The following CERKL variants were observed in gnomAD, a reference collection of about 807,000 sequenced individuals.
The protein encoded by CERKL is ceramide kinase-like protein.
CERKL carries 61 observed loss-of-function variants against 63.4 expected under a neutral mutation model. The ratio of observed to expected loss-of-function variants is 0.96; its 90% CI spans 0.78 to 1.19. The LOEUF (loss-of-function observed/expected upper bound fraction) is 1.19, where lower values mean the gene tolerates loss of function less well. Among genes scored for constraint, CERKL ranks in the 50% most tolerant of loss-of-function variants. The pLI is 0.00. For synonymous variants in CERKL, 250 were observed against 230.5 expected (o/e 1.08, Z -0.77); for missense variants, 675 against 655.5 (o/e 1.03, Z -0.33).
At chr2:181,632,977 A>G (rs749855579) in intron 1 of CERKL, among the ~76,000 whole-genome samples, 17 of 152,142 alleles carry the variant, frequency 1.1e-4, no homozygotes, top group Non-Finnish European at 2.1e-4. Flanking sequence ...GCTGAGGGAA[A>G]TCTCTCTTTC....
At chr2:181,583,499 A>G (rs1684628402) in intron 2 of CERKL, among the ~76,000 whole-genome samples, 2 of 152,198 alleles carry the variant, frequency 1.3e-5, no homozygotes, top group African/African-American at 4.8e-5. Context: ...TAGATTGAAA[A>G]TTCAGTTTAG....
intron 5 of CERKL, among the ~76,000 whole-genome samples, 155 bp from the exon 6 acceptor site, chr2:181,549,863 T>G (rs768309278): frequency 9.9e-5 from 15 of 152,144 alleles, no homozygotes; most frequent in Non-Finnish European, 2.1e-4. Flanking sequence ...ATTAGAAGTT[T>G]AAGTTCTTAT....
intron 1 of CERKL, among the ~76,000 whole-genome samples, 175 bp from the exon 2 acceptor site, chr2:181,604,254 A>G (rs6723072): frequency 0.22 from 33,684 of 152,036 alleles, 6,827 homozygotes; most frequent in African/African-American, 0.54. Flanking sequence ...ACAAACCCCC[A>G]TGACACAAAT....
At chr2:181,563,658 C>T (rs183087419) in intron 4 of CERKL, among the ~76,000 whole-genome samples, 45 of 151,860 alleles carry the variant, frequency 3.0e-4, no homozygotes, top group African/African-American at 1.0e-3. Context: ...TTTCCTTTAG[C>T]CACTCTTTAG....
In CERKL at chr2:181,622,481, C is replaced by T. The variant is rs144588696; in HGVS notation, c.239-18402G>A. Among the ~76,000 whole-genome samples the T allele has an allele frequency of 2.0e-3, 302 of 152,300 alleles. 1 individual carries two copies. Among genetic ancestry groups the T allele is most frequent in the African/African-American group, 6.7e-3 (279 of 41,572 alleles). On this transcript the variant is annotated intron_variant, in intron 1 of 12. Transcript: ENST00000410087. ...CTTGAAGGCTGCACACAAATGACCA[C>T]TATATTTAAAAGAACATTTTCTTAT... is the stretch of plus-strand genomic sequence containing the variant.
At chr2:181,573,694 A>G (rs1689004569) in intron 3 of CERKL, 59 bp downstream of exon 3, 3 of 1,514,390 alleles carry the variant, frequency 2.0e-6, no homozygotes, top group Admixed American at 1.7e-5. Flanking sequence ...ACAAATTCAG[A>G]TTATTTTGCT....
intron 5 of CERKL, among the ~76,000 whole-genome samples, chr2:181,553,386 G>A (rs766141325): frequency 5.9e-5 from 9 of 152,128 alleles, no homozygotes; most frequent in Admixed American, 6.6e-5. Context: ...ATTATCGATG[G>A]ATTACAGTAC....
chr2:181,559,481 G>A (rs1476369495), intron 4 of CERKL, among the ~76,000 whole-genome samples: 1 of 152,108 alleles, frequency 6.6e-6, no homozygotes, highest in African/African-American at 2.4e-5. Context: ...GTGAAAGCAG[G>A]TGTCACAACT....
At chr2:181,584,024 T>C (rs1446885901) in intron 2 of CERKL, among the ~76,000 whole-genome samples, 1 of 152,150 alleles carries the variant, frequency 6.6e-6, no homozygotes, top group Non-Finnish European at 1.5e-5. Context: ...GAGAGAACTA[T>C]CACAATATCA....
rs1472742261 is a variant in CERKL, at chr2:181,633,310, C to T, written c.238+23459G>A. On this transcript the variant is annotated intron_variant, in intron 1 of 12. Coordinates refer to ENST00000410087, the MANE Select transcript of CERKL (RefSeq NM_201548.5). ...AGAGCAGCAAGGATGACTGAATGAG[C>T]ACGGAGATGGAAATGATGACATGCT... Among the ~76,000 whole-genome samples, 7 of 152,148 alleles carry T rather than the reference C, an allele frequency of 4.6e-5. No homozygotes were observed. In the East Asian group the frequency reaches 1.2e-3, roughly 25 times the overall value.
intron 1 of CERKL, among the ~76,000 whole-genome samples, chr2:181,612,257 ATC>A (rs1304551409): frequency 2.0e-5 from 3 of 152,182 alleles, no homozygotes; most frequent in African/African-American, 7.2e-5. Flanking sequence ...TAACCCTGTC[ATC>A]TGTTTTGTTT....
At chr2:181,545,054 C>T (rs1354363783) in intron 10 of CERKL, among the ~76,000 whole-genome samples, 1 of 152,048 alleles carries the variant, frequency 6.6e-6, no homozygotes, top group Non-Finnish European at 1.5e-5. Context: ...TTTTACAAAG[C>T]AAACCATCAA....
At chr2:181,637,089 GA>G (rs1220186271) in intron 1 of CERKL, among the ~76,000 whole-genome samples, 1 of 152,090 alleles carries the variant, frequency 6.6e-6, no homozygotes, top group Non-Finnish European at 1.5e-5. Flanking sequence ...ACTATGCTGA[GA>G]TATCATTTAT....
intron 1 of CERKL, among the ~76,000 whole-genome samples, chr2:181,645,698 T>C (rs1687641086): frequency 6.6e-6 from 1 of 152,254 alleles, no homozygotes; most frequent in African/African-American, 2.4e-5. Context: ...CTATGCCCTT[T>C]TGGGCTTAAA....
Position 181,558,854 on chromosome 2 carries a change from C to A in CERKL, c.678-146G>T, listed in dbSNP as rs1324516312. Reference sequence around the variant, plus strand: ...TACCTTTAAACATGTTAATATGTGTCAATGGGTAAGACAACACAAACACAA... The same window carrying A: ...TACCTTTAAACATGTTAATATGTGTAAATGGGTAAGACAACACAAACACAA... On this transcript the variant is annotated intron_variant, in intron 4 of 12. Transcript: ENST00000410087. The surrounding 1 kb of genome is among the most constrained non-coding windows in gnomAD (Gnocchi z 4.2). 1 of 776,710 alleles carries A rather than the reference C, an allele frequency of 1.3e-6. No individual in the cohort carries two copies. Among genetic ancestry groups the A allele is most frequent in the Admixed American group, 2.0e-5 (1 of 49,162 alleles). The allele number at this position is 776,710 out of a possible 1,614,324, so 48.1% of individuals were successfully genotyped here.
At position 181,609,917 on chromosome 2, in the gene CERKL, A is replaced by G. The variant is rs1164447738; in HGVS notation, c.239-5838T>C. On this transcript the variant is annotated intron_variant, in intron 1 of 12. Coordinates refer to ENST00000410087, the MANE Select transcript of CERKL (RefSeq NM_201548.5). ...TTTAGAACTGACTAATCTTTTGTAAAGAAAAATAGGGCCCTATTTCATAAT... is the reference window on the plus strand; with the variant it reads ...TTTAGAACTGACTAATCTTTTGTAAGGAAAAATAGGGCCCTATTTCATAAT... Among the ~76,000 whole-genome samples the G allele has an allele frequency of 2.0e-5, 3 of 152,176 alleles. No individual in the cohort carries two copies. In the South Asian group the frequency reaches 6.2e-4, roughly 32 times the overall value.
At chr2:181,632,780 T>TAGTG (rs1188183032) in intron 1 of CERKL, among the ~76,000 whole-genome samples, 4 of 152,086 alleles carry the variant, frequency 2.6e-5, no homozygotes, top group Non-Finnish European at 5.9e-5. Context: ...TTGGATAGGG[T>TAGTG]AGTGGGGACA....
chr2:181,656,629 T>C (rs982722321), intron 1 of CERKL, 140 bp downstream of exon 1: 26 of 718,462 alleles, frequency 3.6e-5, no homozygotes, highest in Non-Finnish European at 5.0e-5. Flanking sequence ...CTCGGTAACC[T>C]GTCCGGGCAG....
At chr2:181,587,258 A>C (rs1048218700) in intron 2 of CERKL, among the ~76,000 whole-genome samples, 3 of 152,238 alleles carry the variant, frequency 2.0e-5, no homozygotes, top group Non-Finnish European at 2.9e-5. Flanking sequence ...TGTAACTTCT[A>C]AATTTACATG....
Sources: allele counts gnomAD v4.1 joint callset (sites outside exome capture counted in the v4.1 genomes callset), GRCh38; gene constraint gnomAD v4.1.1; non-coding constraint Gnocchi (gnomAD v3.1); transcripts MANE v1.5; gene names NCBI Gene and HGNC (gene_info 2026-07-23, HGNC 2026-07-21).